The following BCKDHA variants were observed in gnomAD, a reference collection of about 807,000 sequenced individuals.
BCKDHA encodes 2-oxoisovalerate dehydrogenase subunit alpha, mitochondrial.
BCKDHA carries 43 observed loss-of-function variants against 52.2 expected under a neutral mutation model. The observed-to-expected ratio is 0.82, with a 90% CI of 0.64 to 1.06. The LOEUF (loss-of-function observed/expected upper bound fraction) is 1.06, where lower values mean the gene tolerates loss of function less well. BCKDHA is among the 50% of genes least tolerant of loss of function. The pLI is 0.00. For synonymous variants in BCKDHA, 234 were observed against 247.9 expected (o/e 0.94, Z 0.53); for missense variants, 527 against 621.3 (o/e 0.85, Z 1.61).
chr19:41,419,195 T>G lies in BCKDHA; in HGVS notation c.545T>G (p.Ile182Ser), dbSNP rs1224805813. 1 of 1,614,212 alleles carries G rather than the reference T, an allele frequency of 6.2e-7. No individual in the cohort carries two copies. Residue 182 changes from isoleucine (I) to serine (S), a missense_variant, in exon 5 of 9, where the codon ATC (isoleucine) becomes AGC (serine). Physicochemically the swap from Ile to Ser is moderately radical, Grantham distance 142. Coordinates refer to ENST00000269980, the MANE Select transcript of BCKDHA (RefSeq NM_000709.4). ...TTCATGGCCCAGTGCTATGGCAACA[T>G]CAGTGACTTGGGCAAGGGGCGCCAG... is the stretch of plus-strand genomic sequence containing the variant. ...ELFMAQCYGN[I>S]SDLGKGRQMP... is the part of the protein sequence containing the mutation.
Position 41,424,555 on chromosome 19 carries a change from C to T in BCKDHA, c.1285C>T (p.Arg429Cys), listed in dbSNP as rs575301306. 32 of 1,614,072 alleles carry T rather than the reference C, an allele frequency of 2.0e-5. No individual in the cohort carries two copies. The East Asian group carries it at 2.5e-4, about 12-fold the overall frequency. The change falls in exon 9 of 9, where the codon CGC becomes TGC. Residue 429 changes from arginine to cysteine, a missense_variant. Arg to Cys is a radical substitution (Grantham distance 180). Coordinates refer to ENST00000269980, the MANE Select transcript of BCKDHA (RefSeq NM_000709.4). ...CCGCAAGCAGCAGGAGTCTCTGGCC[C>T]GCCACCTGCAGACCTACGGGGAGCA... ...QLRKQQESLA[R>C]HLQTYGEHYP...
Position 41,419,209 on chromosome 19 carries a change from A to T in BCKDHA, c.559A>T (p.Lys187Ter). ...QCYGNISDLG[K>*]GRQMPVHYGC... is the part of the protein sequence containing the mutation. ...CTATGGCAACATCAGTGACTTGGGC[A>T]AGGGGCGCCAGATGCCTGTCCACTA... The change falls in exon 5 of 9, where the codon AAG becomes TAG. Residue 187 changes from lysine (K) to a stop codon, truncating the protein, a stop_gained. Transcript: ENST00000269980. LOFTEE classifies it high-confidence loss of function. The T allele has an allele frequency of 6.2e-7, 1 of 1,614,226 alleles. No individual in the cohort carries two copies. The highest frequency in any genetic ancestry group is 1.1e-5 in the South Asian group (1 of 91,092).
At chr19:41,422,933 A>G (rs1193944499) in intron 7 of BCKDHA, 65 bp from the exon 8 acceptor site, 1 of 1,567,394 alleles carries the variant, frequency 6.4e-7, no homozygotes, top group Non-Finnish European at 8.6e-7. Flanking sequence ...TTCATCCCCC[A>G]TCCTCCCTCC....
intron 1 of BCKDHA, among the ~76,000 whole-genome samples, chr19:41,408,223 C>T (rs1009265166): frequency 6.0e-5 from 9 of 149,602 alleles, no homozygotes; most frequent in Admixed American, 5.3e-4. Flanking sequence ...TTCCAAAGTG[C>T]TAGGATTACA....
Position 41,422,207 on chromosome 19 carries a change from GGTC to G in BCKDHA, c.694_696del (p.Val232del). On this transcript the variant is annotated inframe_deletion, in exon 6 of 9. Transcript: ENST00000269980. ...CAGCCAAGCGGGCCAATGCCAACAG[GGTC>G]GTCATCTGTTACTTCGGCGAGGGGG... 1 of 1,614,146 alleles carries G rather than the reference GGTC, an allele frequency of 6.2e-7. No individual in the cohort carries two copies. Among genetic ancestry groups the G allele is most frequent in the South Asian group, 1.1e-5 (1 of 91,086 alleles).
chr19:41,399,654 CT>C (rs1369386060), intron 1 of BCKDHA: 1 of 151,504 alleles, frequency 6.6e-6, no homozygotes, highest in Non-Finnish European at 1.5e-5. Context: ...CTCTCTTCTT[CT>C]TTCTTTCCTC....
chr19:41,412,756 T>A (rs991780336), intron 3 of BCKDHA, among the ~76,000 whole-genome samples: 6 of 151,672 alleles, frequency 4.0e-5, no homozygotes, highest in Non-Finnish European at 8.8e-5. Flanking sequence ...CAGGCTGGAG[T>A]GCAGTGGCGC....
chr19:41,411,709 C>A (rs12459859), intron 3 of BCKDHA, among the ~76,000 whole-genome samples: 1 of 152,070 alleles, frequency 6.6e-6, no homozygotes, highest in East Asian at 1.9e-4. Flanking sequence ...TTGCTGCCTG[C>A]GGGAGATTGA....
rs2039095691 is a variant in BCKDHA at position 41,398,045 on chromosome 19, G to T, written c.108+110G>T. 5.6e-6 allele frequency: 5 copies of T among 886,468 alleles called. No individual in the cohort carries two copies. The South Asian group carries it at 8.0e-5, about 14-fold the overall frequency. The allele number at this position is 886,468 out of a possible 1,614,324, so 54.9% of individuals were successfully genotyped here. A position where few individuals can be genotyped will look rare whatever the true frequency, so the allele number is the denominator to read the frequency against. The stretch of plus-strand genomic sequence containing the variant: ...ATGAAGGAAGGGCTGTCACAAAAGG[G>T]AAAAAGAGTGGGAGACTCCTTGGAG... On this transcript the variant is annotated intron_variant, in intron 1 of 8. Transcript: ENST00000269980.
intron 1 of BCKDHA, among the ~76,000 whole-genome samples, chr19:41,405,894 G>A (rs1322590728): frequency 6.6e-6 from 1 of 152,174 alleles, no homozygotes; most frequent in Non-Finnish European, 1.5e-5. Flanking sequence ...AGAGGACGTG[G>A]CATGAAGCTT....
chr19:41,401,063 G>A (rs2039133536), intron 1 of BCKDHA, among the ~76,000 whole-genome samples: 1 of 123,296 alleles, frequency 8.1e-6, no homozygotes, highest in East Asian at 2.2e-4. Flanking sequence ...ATGGTGCAGG[G>A]TTTTTGTTTT....
chr19:41,404,545 T>C (rs1037231727), intron 1 of BCKDHA, among the ~76,000 whole-genome samples: 1 of 152,096 alleles, frequency 6.6e-6, no homozygotes, highest in African/African-American at 2.4e-5. Context: ...CGCCTCGGTC[T>C]CCCAAAGTGC....
intron 8 of BCKDHA, 104 bp from the exon 9 acceptor site, chr19:41,424,334 C>T (rs1002438153): frequency 3.4e-5 from 44 of 1,292,928 alleles, no homozygotes; most frequent in Non-Finnish European, 4.5e-5. Flanking sequence ...GAGGTGGGAA[C>T]ACAAAGGCTT....
chr19:41,411,119 G>A, intron 3 of BCKDHA, 110 bp downstream of exon 3: 1 of 1,190,548 alleles, frequency 8.4e-7, no homozygotes. Context: ...TTTTGGGGGG[G>A]TTCCATAGAG....
chr19:41,404,110 G>C (rs975303395), intron 1 of BCKDHA, among the ~76,000 whole-genome samples: 3 of 151,940 alleles, frequency 2.0e-5, no homozygotes, highest in African/African-American at 7.3e-5. Context: ...CTCCCGAGTA[G>C]CTGGGACTAC....
chr19:41,402,661 A>T (rs569958630), intron 1 of BCKDHA, among the ~76,000 whole-genome samples: 35 of 152,044 alleles, frequency 2.3e-4, no homozygotes, highest in Non-Finnish European at 4.9e-4. Flanking sequence ...TATTTTTTTG[A>T]GACGGAGTCT....
chr19:41,404,714 C>G (rs1319557844), intron 1 of BCKDHA, among the ~76,000 whole-genome samples: 2 of 152,152 alleles, frequency 1.3e-5, no homozygotes, highest in Non-Finnish European at 2.9e-5. Flanking sequence ...CTGCCTCAGC[C>G]TCCTGAGTAG....
chr19:41,400,944 G>A (rs1423280862), intron 1 of BCKDHA, among the ~76,000 whole-genome samples: 1 of 151,818 alleles, frequency 6.6e-6, no homozygotes, highest in Non-Finnish European at 1.5e-5. Flanking sequence ...CCTGGGAGGC[G>A]GAGATTGCAG....
At chr19:41,413,360 G>A (rs1177221160) in intron 3 of BCKDHA, among the ~76,000 whole-genome samples, 1 of 152,176 alleles carries the variant, frequency 6.6e-6, no homozygotes, top group Non-Finnish European at 1.5e-5. Flanking sequence ...GGGGATTTGG[G>A]AGAAGGGAAC....
Sources: allele counts gnomAD v4.1 joint callset (sites outside exome capture counted in the v4.1 genomes callset), GRCh38; gene constraint gnomAD v4.1.1; transcripts MANE v1.5; gene names NCBI Gene and HGNC (gene_info 2026-07-23, HGNC 2026-07-21).